Variants in KARS1 observed in about 807,000 individuals in gnomAD.
The protein encoded by KARS1 is lysyl-tRNA synthetase 1.
A neutral mutation model predicts 63.9 loss-of-function variants in KARS1; 50 were observed. The observed-to-expected ratio is 0.78, with a 90% confidence interval of 0.62 to 0.99. KARS1 has a LOEUF of 0.99. Among genes scored for constraint, KARS1 ranks in the 50% least tolerant of loss-of-function variants. KARS1 has a pLI of 0.00. For missense variants in KARS1, 816 were observed against 754.5 expected, an observed-to-expected ratio of 1.08 and a Z score of -0.95; for synonymous variants, 320 against 264.6, an observed-to-expected ratio of 1.21 and a Z score of -2.03.
chr16:75,628,143 C>A lies in KARS1; in HGVS notation c.1696-150G>T, dbSNP rs1167897548. The A allele has an allele frequency of 2.6e-5, 18 of 692,324 alleles. No individual in the cohort carries two copies. The East Asian group carries it at 4.9e-4, about 19-fold the overall frequency. The allele number at this position is 692,324 out of a possible 1,614,324, so 42.9% of individuals were successfully genotyped here. ...AAAAGGCTCATGTGTTCTTTTATTT[C>A]AACTCAGACCCTCTCAAGTTACAGA... On this transcript the variant is annotated intron_variant, in intron 13 of 13. Transcript: ENST00000302445.
intron 2 of KARS1, 75 bp downstream of exon 2, chr16:75,641,489 G>A (rs2082222898): frequency 1.5e-6 from 2 of 1,348,704 alleles, no homozygotes; most frequent in East Asian, 2.4e-5. Context: ...CTACTGTCCA[G>A]TCCCAAAGAA....
intron 1 of KARS1, among the ~76,000 whole-genome samples, chr16:75,643,733 C>T (rs76645676): frequency 0.013 from 1,915 of 152,310 alleles, 49 homozygotes; most frequent in African/African-American, 0.043. Context: ...TCAAAGTTGA[C>T]AGCTTTTTCT....
At chr16:75,639,360 T>C (rs2082197557) in intron 3 of KARS1, among the ~76,000 whole-genome samples, 1 of 151,504 alleles carries the variant, frequency 6.6e-6, no homozygotes, top group African/African-American at 2.4e-5. Flanking sequence ...TCACCTGAGG[T>C]CAGGAGTTCG....
rs780143923 is a variant in KARS1, at chr16:75,630,550, T to C, written c.1339-42A>G. 6.3e-6 allele frequency: 8 copies of C among 1,273,026 alleles called. No individual in the cohort carries two copies. In the South Asian group the frequency reaches 8.3e-5, roughly 13 times the overall value. 78.9% of individuals were successfully genotyped at this position (1,273,026 alleles called of 1,614,324 possible). ...AGCAGAGTCAGTCACCATTTCTGAA[T>C]AGTATTTGATCGTCCCAGCCCAGAC... is the stretch of plus-strand genomic sequence containing the variant. On this transcript the variant is annotated intron_variant, in intron 10 of 13. Coordinates refer to ENST00000302445, the MANE Select transcript of KARS1 (RefSeq NM_005548.3).
At chr16:75,640,968 C>T (rs774938309) in intron 2 of KARS1, among the ~76,000 whole-genome samples, 4 of 152,064 alleles carry the variant, frequency 2.6e-5, no homozygotes, top group African/African-American at 7.2e-5. Flanking sequence ...TCTGGGAGCC[C>T]GAGGCGGGTG....
chr16:75,636,295 C>T (rs757310623), intron 4 of KARS1, among the ~76,000 whole-genome samples, 159 bp downstream of exon 4: 4 of 152,188 alleles, frequency 2.6e-5, no homozygotes, highest in Admixed American at 6.5e-5. Context: ...CATTACTTTA[C>T]AGGTGACCAG....
At chr16:75,640,086 A>C (rs1379432738) in intron 3 of KARS1, 98 bp downstream of exon 3, 7 of 952,322 alleles carry the variant, frequency 7.4e-6, no homozygotes, top group Non-Finnish European at 1.0e-5. Flanking sequence ...GACACAGGCT[A>C]CTTGAGAACA....
At chr16:75,646,449 G>A (rs1335754746) in intron 1 of KARS1, among the ~76,000 whole-genome samples, 3 of 151,846 alleles carry the variant, frequency 2.0e-5, no homozygotes, top group Non-Finnish European at 4.4e-5. Flanking sequence ...GCTGAGGCAG[G>A]AGAATCGCTT....
chr16:75,629,647 T>C, intron 11 of KARS1, 106 bp from the exon 12 acceptor site: 1 of 1,185,484 alleles, frequency 8.4e-7, no homozygotes, highest in Non-Finnish European at 1.2e-6. Context: ...TCACGCAGGC[T>C]GGAGTGCAGT....
chr16:75,634,574 G>T lies in KARS1; in HGVS notation c.796-282C>A, dbSNP rs75636445. On this transcript the variant is annotated intron_variant, in intron 6 of 13. Coordinates refer to ENST00000302445, the MANE Select transcript of KARS1 (RefSeq NM_005548.3). ...TAGCCTTTCTTGAGTTCAATTTGCA[G>T]TATTTATTTAATTTTTTTTAAGACG... is the stretch of plus-strand genomic sequence containing the variant. Among the ~76,000 whole-genome samples, 1,053 of 152,240 alleles carry T rather than the reference G, an allele frequency of 6.9e-3. 13 individuals carry two copies. Among genetic ancestry groups the T allele is most frequent in the African/African-American group, 0.024 (1,012 of 41,526 alleles).
chr16:75,631,381 G>T (rs773950858), intron 9 of KARS1, 35 bp downstream of exon 9: 1 of 1,606,666 alleles, frequency 6.2e-7, no homozygotes, highest in South Asian at 1.1e-5. Flanking sequence ...AGGAAGGAGG[G>T]CCTTACAACG....
Position 75,631,742 on chromosome 16 carries a change from G to C in KARS1, c.1029C>G (p.Ala343=). ...CCATGAGATCGTGATAGTCTGCATA[G>C]GCCATGTAGAACTCACAGGTGGTGA... ...PEFTTCEFYM[A]YADYHDLMEI... The change falls in exon 8 of 14, where the codon GCC becomes GCG. Residue 343 remains alanine, a synonymous_variant. Coordinates refer to ENST00000302445, the MANE Select transcript of KARS1 (RefSeq NM_005548.3). 1 of 1,614,172 alleles carries C rather than the reference G, an allele frequency of 6.2e-7. No homozygotes were observed. The highest frequency in any genetic ancestry group is 1.1e-5 in the South Asian group (1 of 91,088).
chr16:75,631,345 T>C, intron 9 of KARS1, 71 bp downstream of exon 9: 9 of 1,588,286 alleles, frequency 5.7e-6, no homozygotes, highest in Non-Finnish European at 7.8e-6. Context: ...ATTCTAGCTC[T>C]GACCCAATCA....
chr16:75,637,779 CAA>C (rs72500765), intron 3 of KARS1, among the ~76,000 whole-genome samples: 12,195 of 91,078 alleles, frequency 0.13, 1,823 homozygotes, highest in East Asian at 0.71. Flanking sequence ...AACTCAGTCT[CAA>C]AAAAAAAAAA....
In KARS1 at chr16:75,631,676, G is replaced by C. The variant is rs902322488; in HGVS notation, c.1078+17C>G. 8 of 1,614,002 alleles carry C rather than the reference G, an allele frequency of 5.0e-6. No individual in the cohort carries two copies. The African/African-American group carries it at 8.0e-5, about 16-fold the overall frequency. On this transcript the variant is annotated intron_variant, in intron 8 of 13. Transcript: ENST00000302445. ...CATACCAACCACCCGATGAGTATGA[G>C]AGAGAGCAGGAGTCACCTGAAACCA...
chr16:75,641,442 T>G (rs2082222315), intron 2 of KARS1, 122 bp downstream of exon 2: 4 of 805,958 alleles, frequency 5.0e-6, no homozygotes, highest in Non-Finnish European at 8.2e-6. Context: ...AGACCCTCCC[T>G]TATCCCTGGC....
At position 75,640,290 on chromosome 16, in the gene KARS1, T is replaced by C. The variant is rs1359425468; in HGVS notation, c.282A>G (p.Pro94=). 3 of 1,613,052 alleles carry C rather than the reference T, an allele frequency of 1.9e-6. No homozygotes were observed. Among genetic ancestry groups the C allele is most frequent in the Non-Finnish European group, 2.5e-6 (3 of 1,179,898 alleles). ...TGTCTACATGGAACTTGTGTGGGTATGGGTCTTCCCCATTGACCTTCAGCT... is the reference window on the plus strand; with the variant it reads ...TGTCTACATGGAACTTGTGTGGGTACGGGTCTTCCCCATTGACCTTCAGCT... The part of the protein sequence containing the change: ...IHQLKVNGED[P]YPHKFHVDIS... The change falls in exon 3 of 14, where the codon CCA becomes CCG. Residue 94 remains proline (P), a synonymous_variant. Transcript: ENST00000302445.
chr16:75,645,822 G>C (rs542199922), intron 1 of KARS1, among the ~76,000 whole-genome samples: 3 of 147,710 alleles, frequency 2.0e-5, no homozygotes, highest in Non-Finnish European at 4.4e-5. Context: ...AATCCAGCCG[G>C]GGCAACAACG....
chr16:75,644,154 T>C, intron 1 of KARS1: 1 of 721,416 alleles, frequency 1.4e-6, no homozygotes, highest in Non-Finnish European at 2.3e-6. Flanking sequence ...GACTATTGGT[T>C]TTGGTATTAG....
Sources: gnomAD v4.1 joint callset for allele counts (sites outside exome capture counted in the v4.1 genomes callset) on GRCh38, gnomAD v4.1.1 for gene constraint, MANE v1.5 for transcripts, NCBI Gene and HGNC (gene_info 2026-07-23, HGNC 2026-07-21) for gene names.